TP53BP2: variants seen among roughly 807,000 people sequenced by gnomAD.
TP53BP2 encodes the protein apoptosis-stimulating of p53 protein 2.
TP53BP2 carries 62 observed loss-of-function variants against 126.2 expected under a neutral mutation model. The observed-to-expected ratio is 0.49, with a 90% CI of 0.40 to 0.61. The LOEUF (loss-of-function observed/expected upper bound fraction) is 0.61, where lower values mean the gene tolerates loss of function less well. Ranked by LOEUF, TP53BP2 falls within the 20% of genes least tolerant of loss-of-function variation. The probability of loss-of-function intolerance (pLI) is 0.00; values close to 1 mark genes in which losing one functional copy is unlikely to be tolerated. For missense variants in TP53BP2, 1,215 were observed against 1,402.8 expected, an observed-to-expected ratio of 0.87 and a Z score of 2.14; for synonymous variants, 485 against 502.9, an observed-to-expected ratio of 0.96 and a Z score of 0.48.
rs1350355079 is a variant in TP53BP2 at position 223,815,874 on chromosome 1, T to C, written c.176-1521A>G. Among the ~76,000 whole-genome samples, 3 of 152,346 alleles carry C rather than the reference T, an allele frequency of 2.0e-5. No homozygotes were observed. In the East Asian group the frequency reaches 5.8e-4, roughly 29 times the overall value. ...TACAGTAACATGCTGTACAGGTTTG[T>C]AGCCTAGGAGCAAAAGGCTGTATAC... On this transcript the variant is annotated intron_variant, in intron 2 of 17. Coordinates refer to ENST00000343537, the MANE Select transcript of TP53BP2 (RefSeq NM_001031685.3).
chr1:223,812,584 A>ATGAGTCTTG (rs1662948687), intron 3 of TP53BP2, among the ~76,000 whole-genome samples: 1 of 151,644 alleles, frequency 6.6e-6, no homozygotes, highest in African/African-American at 2.4e-5. Flanking sequence ...GTTTTTTCAG[A>ATGAGTCTTG]TGAGTCTTGC....
rs1422373126 is a variant in TP53BP2, at chr1:223,780,229, T to G, written c.*624A>C. 1 of 152,214 alleles carries G rather than the reference T, an allele frequency of 6.6e-6. No individual in the cohort carries two copies. Among genetic ancestry groups the G allele is most frequent in the Non-Finnish European group, 1.5e-5 (1 of 68,030 alleles). The allele number at this position is 152,214 out of a possible 1,614,324, so 9.4% of individuals were successfully genotyped here. On this transcript the variant is annotated 3_prime_UTR_variant, in exon 18 of 18. Coordinates refer to ENST00000343537, the MANE Select transcript of TP53BP2 (RefSeq NM_001031685.3). ...ATTAAAATTCAGCCTACAAACAAGA[T>G]TCTACATCTAATTACTGGTACCGTA... is the stretch of plus-strand genomic sequence containing the variant.
intron 1 of TP53BP2, among the ~76,000 whole-genome samples, chr1:223,840,709 G>A (rs762207736): frequency 3.3e-5 from 5 of 152,182 alleles, no homozygotes; most frequent in South Asian, 2.1e-4. Context: ...CTGCTGAGGC[G>A]GTGGGGATAA....
At chr1:223,829,394 T>C (rs34680935) in intron 1 of TP53BP2, among the ~76,000 whole-genome samples, 9,158 of 152,252 alleles carry the variant, frequency 0.06, 398 homozygotes, top group Middle Eastern at 0.18. Context: ...ATGAAAAAGA[T>C]GATTATGAAC....
intron 16 of TP53BP2, among the ~76,000 whole-genome samples, chr1:223,786,208 T>C (rs959784954): frequency 1.3e-5 from 2 of 152,148 alleles, no homozygotes; most frequent in Non-Finnish European, 2.9e-5. Flanking sequence ...ATATTAGTTA[T>C]AGGACTCATA....
chr1:223,803,419 T>C lies in TP53BP2; in HGVS notation c.683A>G (p.Gln228Arg), dbSNP rs753603818. 1 of 1,613,612 alleles carries C rather than the reference T, an allele frequency of 6.2e-7. No homozygotes were observed. Residue 228 changes from glutamine (Q) to arginine (R), a missense_variant, in exon 7 of 18, where the codon CAG (glutamine) becomes CGG (arginine). This residue lies in a region of TP53BP2 where 814 missense variants were observed against 853.0 expected (regional missense o/e 0.95). Coordinates refer to ENST00000343537, the MANE Select transcript of TP53BP2 (RefSeq NM_001031685.3). ...CAGGACGAGCTCCCTCTGTTTTTGC[T>C]GGAACAAATTATTCATCTGTTCAAT... Reference protein sequence around the residue: ...EEIEQMNNLFQQKQRELVLAV... With the variant: ...EEIEQMNNLFRQKQRELVLAV...
At chr1:223,800,881 G>A (rs143800094) in intron 9 of TP53BP2, 71 bp from the exon 10 acceptor site, 1 of 1,110,618 alleles carries the variant, frequency 9.0e-7, no homozygotes, top group Non-Finnish European at 1.3e-6. Context: ...TTACTGCTAA[G>A]ACTTTTAATC....
At chr1:223,835,948 G>T (rs924371945) in intron 1 of TP53BP2, among the ~76,000 whole-genome samples, 2 of 152,080 alleles carry the variant, frequency 1.3e-5, no homozygotes, top group South Asian at 4.1e-4. Flanking sequence ...GTGGAAGAAG[G>T]CTTAACATAA....
chr1:223,828,298 A>G (rs1307476890), intron 1 of TP53BP2, among the ~76,000 whole-genome samples: 5 of 152,216 alleles, frequency 3.3e-5, no homozygotes. Flanking sequence ...CAGGCACAGA[A>G]AAAAGCCTGA....
chr1:223,835,772 A>G (rs1663900676), intron 1 of TP53BP2, among the ~76,000 whole-genome samples: 1 of 152,234 alleles, frequency 6.6e-6, no homozygotes, highest in African/African-American at 2.4e-5. Context: ...TAGAAACACA[A>G]AGATGAAAAG....
chr1:223,801,688 T>A (rs1199298321), intron 9 of TP53BP2, among the ~76,000 whole-genome samples: 1 of 152,218 alleles, frequency 6.6e-6, no homozygotes, highest in African/African-American at 2.4e-5. Context: ...AATTCTCACA[T>A]GTAAGCAGAT....
intron 11 of TP53BP2, among the ~76,000 whole-genome samples, chr1:223,799,374 T>A (rs1662452430): frequency 6.6e-6 from 1 of 152,206 alleles, no homozygotes; most frequent in African/African-American, 2.4e-5. Flanking sequence ...CCACTTCCTA[T>A]CTGGGCAATT....
chr1:223,817,630 T>C (rs997643829), intron 2 of TP53BP2, among the ~76,000 whole-genome samples: 2 of 152,196 alleles, frequency 1.3e-5, no homozygotes, highest in Non-Finnish European at 1.5e-5. Context: ...TGGGGGAAAT[T>C]ATGTGATAAT....
intron 16 of TP53BP2, among the ~76,000 whole-genome samples, chr1:223,786,902 G>A (rs755485312): frequency 4.0e-5 from 6 of 149,328 alleles, no homozygotes; most frequent in South Asian, 2.1e-4. Flanking sequence ...CACCGCGCCC[G>A]GCTTTTTTTG....
rs61437308 is a variant in TP53BP2 at position 223,806,125 on chromosome 1, C to G, written c.474+721G>C. On this transcript the variant is annotated intron_variant, in intron 5 of 17. Transcript: ENST00000343537. ...AGCAGCCCGTTATTGGTGCCAAGCT[C>G]CAGAAGGGGACAGTATTAGATTAAT... is the stretch of plus-strand genomic sequence containing the variant. Among the ~76,000 whole-genome samples the G allele has an allele frequency of 4.2e-3, 645 of 152,154 alleles. 29 individuals are homozygous for G. The East Asian group carries it at 0.1, about 25-fold the overall frequency.
chr1:223,792,544 G>A (rs1420098271), intron 14 of TP53BP2, 22 bp from the exon 15 acceptor site: 12 of 1,612,730 alleles, frequency 7.4e-6, no homozygotes, highest in African/African-American at 1.3e-5. Flanking sequence ...AGAAGGGTGA[G>A]CATCACTCTA....
chr1:223,793,294 T>C lies in TP53BP2; in HGVS notation c.2862+9A>G, dbSNP rs200896963. The C allele has an allele frequency of 1.7e-5, 27 of 1,560,382 alleles. No individual in the cohort carries two copies. The highest frequency in any genetic ancestry group is 1.4e-4 in the Admixed American group (7 of 48,680). ...CTCAAAAAAAAAAATTTACTAATTA[T>C]AATCATACCTCATAAATAATTCTCT... On this transcript the variant is annotated intron_variant, in intron 14 of 17. Coordinates refer to ENST00000343537, the MANE Select transcript of TP53BP2 (RefSeq NM_001031685.3).
chr1:223,803,317 TTGTCATGGTGGC>T lies in TP53BP2; in HGVS notation c.773_784del (p.Ser258_Asp261del), dbSNP rs1558095895. ...ATCAAGCTCAGCCACTGCAGACTGA[TTGTCATGGTGGC>T]TGTCGATCCTGCCGTTCTTGAGCAT... On this transcript the variant is annotated inframe_deletion, in exon 7 of 18. Coordinates refer to ENST00000343537, the MANE Select transcript of TP53BP2 (RefSeq NM_001031685.3). 1 of 1,613,552 alleles carries T rather than the reference TTGTCATGGTGGC, an allele frequency of 6.2e-7. No individual in the cohort carries two copies. Among genetic ancestry groups the T allele is most frequent in the South Asian group, 1.1e-5 (1 of 91,056 alleles).
In TP53BP2 at chr1:223,796,035, C is replaced by T. The variant is rs1242782549; in HGVS notation, c.2504G>A (p.Gly835Asp). ...GACTCCCTCAGGCTCATAATCAAGGCCTGGAGAAGGAGCTGGCATGTCACT... is the reference window on the plus strand; with the variant it reads ...GACTCCCTCAGGCTCATAATCAAGGTCTGGAGAAGGAGCTGGCATGTCACT... ...ENSDMPAPSPGLDYEPEGVPD... is the reference protein window; with the variant it reads ...ENSDMPAPSPDLDYEPEGVPD... The change falls in exon 13 of 18, where the codon GGC becomes GAC. Residue 835 changes from glycine to aspartate, a missense_variant. Gly to Asp is a moderately conservative substitution (Grantham distance 94). Around this residue, in one of 4 missense-constraint regions of TP53BP2, gnomAD observed 204 missense variants for 225.7 expected, o/e 0.90. Coordinates refer to ENST00000343537, the MANE Select transcript of TP53BP2 (RefSeq NM_001031685.3). This position sits in a 1 kb window ranked among gnomAD's most constrained non-coding sequence, Gnocchi z 4.2. The T allele has an allele frequency of 2.5e-6, 4 of 1,613,918 alleles. No homozygotes were observed. The highest frequency in any genetic ancestry group is 3.4e-6 in the Non-Finnish European group (4 of 1,179,952).
Sources: gnomAD v4.1 joint callset for allele counts (sites outside exome capture counted in the v4.1 genomes callset) on GRCh38, gnomAD v4.1.1 for gene constraint, gnomAD v4.1.1 regional missense constraint, Gnocchi (gnomAD v3.1) non-coding constraint, MANE v1.5 for transcripts, NCBI Gene and HGNC (gene_info 2026-07-23, HGNC 2026-07-21) for gene names.